The following PPFIBP2 variants were observed in gnomAD, a reference collection of about 807,000 sequenced individuals.
PPFIBP2 encodes liprin-beta-2.
In PPFIBP2, 118 loss-of-function variants were observed where a neutral mutation model predicts 118.3. That is an observed-to-expected ratio of 1.00 (90% confidence interval 0.86 to 1.16). PPFIBP2 has a LOEUF of 1.16. Ranked by LOEUF, PPFIBP2 falls within the 50% of genes most tolerant of loss-of-function variation. The pLI is 0.00. For synonymous variants in PPFIBP2, 414 were observed against 397.4 expected, an observed-to-expected ratio of 1.04 and a Z score of -0.50; for missense variants, 1,195 against 1,073.1, an observed-to-expected ratio of 1.11 and a Z score of -1.59.
chr11:7,608,293 T>G (rs1231517639), intron 5 of PPFIBP2, among the ~76,000 whole-genome samples: 1 of 152,228 alleles, frequency 6.6e-6, no homozygotes, highest in Non-Finnish European at 1.5e-5. Context: ...TTTGGGAAAC[T>G]GTGATACAAT....
At chr11:7,642,234 A>G (rs1218521389) in intron 16 of PPFIBP2, 64 bp from the exon 17 acceptor site, 8 of 1,586,882 alleles carry the variant, frequency 5.0e-6, no homozygotes, top group Non-Finnish European at 6.9e-6. Flanking sequence ...CAAAAGAGGA[A>G]GCACAGTGAC....
chr11:7,635,168 C>T (rs1431695612), intron 13 of PPFIBP2, among the ~76,000 whole-genome samples: 3 of 152,038 alleles, frequency 2.0e-5, no homozygotes, highest in Non-Finnish European at 2.9e-5. Flanking sequence ...GGGAGCCTGC[C>T]CTGATAGAGA....
intron 3 of PPFIBP2, among the ~76,000 whole-genome samples, chr11:7,572,886 T>C (rs1855809849): frequency 6.6e-6 from 1 of 152,184 alleles, no homozygotes; most frequent in African/African-American, 2.4e-5. Flanking sequence ...TTCAAGCAAT[T>C]CTCCTGCCCC....
At chr11:7,610,188 T>A (rs1335290807) in intron 5 of PPFIBP2, 103 bp from the exon 6 acceptor site, 2 of 1,391,822 alleles carry the variant, frequency 1.4e-6, no homozygotes, top group African/African-American at 2.8e-5. Flanking sequence ...TTCTGTGTTG[T>A]TGAACACACA....
intron 11 of PPFIBP2, chr11:7,632,665 C>T: frequency 2.0e-6 from 1 of 508,486 alleles, no homozygotes; most frequent in South Asian, 2.0e-5. Flanking sequence ...GAAGGAGAGG[C>T]AAGCTGGCCC....
Position 7,653,724 on chromosome 11 carries a change from T to G in PPFIBP2, c.*506T>G. On this transcript the variant is annotated 3_prime_UTR_variant, in exon 24 of 24. Coordinates refer to ENST00000299492, the MANE Select transcript of PPFIBP2 (RefSeq NM_003621.5). ...GCCTTACTTCAGAGGTGGTCTCTTC[T>G]TTCTTGTAATAAAAGCAATATTTAT... 8.1e-7 allele frequency: 1 copy of G among 1,233,544 alleles called. No homozygotes were observed. The highest frequency in any genetic ancestry group is 1.0e-6 in the Non-Finnish European group (1 of 963,712). The allele number at this position is 1,233,544 out of a possible 1,614,324, so 76.4% of individuals were successfully genotyped here.
chr11:7,606,091 G>A (rs1475391018), intron 5 of PPFIBP2: 3 of 1,459,490 alleles, frequency 2.1e-6, no homozygotes, highest in East Asian at 5.0e-5. Context: ...GGAGAATGTG[G>A]TATAAGTGAA....
At chr11:7,518,176 G>A (rs1408049767) in intron 1 of PPFIBP2, among the ~76,000 whole-genome samples, 1 of 152,230 alleles carries the variant, frequency 6.6e-6, no homozygotes, top group Non-Finnish European at 1.5e-5. Flanking sequence ...GCTAAATTAA[G>A]AAGGTCTTGT....
chr11:7,609,778 A>T (rs1175256967), intron 5 of PPFIBP2, among the ~76,000 whole-genome samples: 1 of 151,868 alleles, frequency 6.6e-6, no homozygotes. Context: ...ATCATTCAAC[A>T]CTCTTTGCAC....
At chr11:7,665,929 C>T in the PPFIBP2 span, 64,614 of 1,535,524 alleles carry the variant, frequency 0.042, 1,488 homozygotes, top group Non-Finnish European at 0.046. Context: ...CGCCCTCTGC[C>T]GACCAGGGAC....
At position 7,625,890 on chromosome 11, in the gene PPFIBP2, A is replaced by C; in HGVS notation, c.825A>C (p.Arg275Ser). 1.2e-6 allele frequency: 2 copies of C among 1,613,130 alleles called. No individual in the cohort carries two copies. Among genetic ancestry groups the C allele is most frequent in the Non-Finnish European group, 1.7e-6 (2 of 1,179,106 alleles). The change falls in exon 8 of 24, where the codon AGA (arginine) becomes AGC (serine). Residue 275 changes from arginine to serine, a missense_variant and splice_region_variant. Arg to Ser is a moderately radical substitution (Grantham distance 110). Coordinates refer to ENST00000299492, the MANE Select transcript of PPFIBP2 (RefSeq NM_003621.5). ...TCCACAGTGAGAGTCACACAGAGAG[A>C]GGTGACTAGCTTGACTCTGACAAAA... ...AALHSESHTE[R>S]DQEIQRLKMG...
intron 3 of PPFIBP2, among the ~76,000 whole-genome samples, chr11:7,572,969 G>A (rs1386298632): frequency 2.0e-5 from 3 of 152,200 alleles, no homozygotes; most frequent in Admixed American, 6.5e-5. Flanking sequence ...TCGTAGAGAC[G>A]GTGTTTCACC....
chr11:7,607,949 G>A (rs1274640552), intron 5 of PPFIBP2, among the ~76,000 whole-genome samples: 1 of 152,198 alleles, frequency 6.6e-6, no homozygotes, highest in African/African-American at 2.4e-5. Context: ...GAGAACTAGA[G>A]AATGAGGTAA....
intron 1 of PPFIBP2, 25 bp from the exon 2 acceptor site, chr11:7,549,415 C>T (rs962601217): frequency 1.5e-5 from 23 of 1,545,910 alleles, no homozygotes; most frequent in Non-Finnish European, 1.8e-5. Context: ...GTAATTTTTC[C>T]TTTGTTCTGT....
At chr11:7,531,864 C>T (rs1390149723) in intron 1 of PPFIBP2, among the ~76,000 whole-genome samples, 1 of 151,528 alleles carries the variant, frequency 6.6e-6, no homozygotes, top group Non-Finnish European at 1.5e-5. Context: ...GAGATGGAGT[C>T]TCACTGTGTT....
In PPFIBP2 at chr11:7,530,824, T is replaced by C. The variant is rs560890617; in HGVS notation, c.-37+16703T>C. ...AAAGGAGCCTCAGAAGGCTTGAGGC[T>C]GGGGGTATGGGGACCCAGCGTCTAT... is the stretch of plus-strand genomic sequence containing the variant. On this transcript the variant is annotated intron_variant, in intron 1 of 23. Transcript: ENST00000299492. 4.6e-5 allele frequency among the ~76,000 whole-genome samples: 7 copies of C among 152,194 alleles called. 1 individual carries two copies. The East Asian group carries it at 1.4e-3, about 29-fold the overall frequency.
intron 3 of PPFIBP2, chr11:7,577,320 C>CGTGTGTGTGTGCGTGTGT: frequency 2.3e-5 from 5 of 219,806 alleles, no homozygotes; most frequent in South Asian, 1.9e-4. Flanking sequence ...CATGTATGTG[C>CGTGTGTGTGTGCGTGTGT]GTGTGTGTGT....
intron 6 of PPFIBP2, among the ~76,000 whole-genome samples, chr11:7,618,312 A>G (rs116714156): frequency 1.3e-5 from 2 of 152,218 alleles, no homozygotes; most frequent in African/African-American, 4.8e-5. Context: ...TAAAGGAAGG[A>G]AAAACGTGTG....
At chr11:7,664,402 C>T in the PPFIBP2 span, among the ~76,000 whole-genome samples, 977 of 152,154 alleles carry the variant, frequency 6.4e-3, 13 homozygotes, top group African/African-American at 0.022. Flanking sequence ...CTTTGGGCTG[C>T]GTAATACTCT....
Sources: allele counts gnomAD v4.1 joint callset (sites outside exome capture counted in the v4.1 genomes callset), GRCh38; gene constraint gnomAD v4.1.1; transcripts MANE v1.5; gene names NCBI Gene and HGNC (gene_info 2026-07-23, HGNC 2026-07-21).